Variants in NEBL observed in about 807,000 individuals in gnomAD.
NEBL encodes LIM and SH3 protein 2.
Under a neutral mutation model 140.2 loss-of-function variants are expected in NEBL, and 122 were observed. The ratio of observed to expected loss-of-function variants is 0.87; its 90% CI spans 0.75 to 1.01. The LOEUF is 1.01. NEBL is among the 50% of genes least tolerant of loss of function. NEBL has a pLI of 0.00. For synonymous variants in NEBL, 436 were observed against 398.9 expected (o/e 1.09, Z -1.11); for missense variants, 1,365 against 1,231.3 (o/e 1.11, Z -1.62).
intron 5 of NEBL, among the ~76,000 whole-genome samples, chr10:20,875,488 T>C (rs1299043427): frequency 1.3e-5 from 2 of 152,220 alleles, no homozygotes; most frequent in Non-Finnish European, 1.5e-5. Context: ...GACATCTTTA[T>C]TCTGCAGGTA....
At chr10:21,100,560 G>GA (rs1233619205) in intron 2 of NEBL, among the ~76,000 whole-genome samples, 3 of 152,188 alleles carry the variant, frequency 2.0e-5, no homozygotes, top group African/African-American at 7.2e-5. Flanking sequence ...GCAATCAACA[G>GA]AAAAATGTAG....
intron 2 of NEBL, among the ~76,000 whole-genome samples, chr10:21,023,818 A>G (rs1838903363): frequency 6.6e-6 from 1 of 152,190 alleles, no homozygotes. Flanking sequence ...TCTCTTCACT[A>G]TGTGTGCACA....
intron 4 of NEBL, among the ~76,000 whole-genome samples, chr10:20,905,297 G>A (rs1848042840): frequency 6.6e-6 from 1 of 152,162 alleles, no homozygotes; most frequent in African/African-American, 2.4e-5. Flanking sequence ...TTTTCACATT[G>A]CTATAAAAAC....
chr10:20,886,594 G>T (rs1180753733), intron 4 of NEBL, among the ~76,000 whole-genome samples: 3 of 152,054 alleles, frequency 2.0e-5, no homozygotes, highest in Non-Finnish European at 4.4e-5. Context: ...GTTAGAAATG[G>T]TAGGAAAAAT....
chr10:20,946,901 G>A (rs758849660), intron 4 of NEBL, among the ~76,000 whole-genome samples: 9 of 151,936 alleles, frequency 5.9e-5, no homozygotes, highest in Admixed American at 1.3e-4. Context: ...TTTTTGAATC[G>A]TTAATAGCTA....
intron 3 of NEBL, among the ~76,000 whole-genome samples, chr10:21,008,693 T>G (rs1838224626): frequency 6.6e-6 from 1 of 152,158 alleles, no homozygotes; most frequent in African/African-American, 2.4e-5. Context: ...GGTGGGAATG[T>G]AAACTAGTTA....
chr10:20,803,895 T>G (rs922978218), intron 26 of NEBL, among the ~76,000 whole-genome samples: 1 of 150,440 alleles, frequency 6.6e-6, no homozygotes, highest in African/African-American at 2.4e-5. Flanking sequence ...TGCTTTAATG[T>G]CATTGAAACA....
At chr10:21,249,787 G>A (rs185731046) in intron 2 of NEBL, among the ~76,000 whole-genome samples, 137 of 152,164 alleles carry the variant, frequency 9.0e-4, no homozygotes, top group Admixed American at 5.2e-3. Flanking sequence ...TTCCTGGCTG[G>A]GTGCAGTGGC....
rs1841791706 is a variant in NEBL at position 20,845,270 on chromosome 10, G to A, written c.1215C>T (p.Asn405=). 2 of 1,568,778 alleles carry A rather than the reference G, an allele frequency of 1.3e-6. No individual in the cohort carries two copies. Among genetic ancestry groups the A allele is most frequent in the Admixed American group, 3.3e-5 (2 of 59,800 alleles). ...PEFLHVKYIT[N]LLREKEYKKD... ...ACCAAGATCGTACCTCCCTCAGAAG[G>A]TTGGTGATGTACTTTACATGTAAAA... Residue 405 remains asparagine (N), a synonymous_variant, in exon 12 of 28, where the codon AAC becomes AAT. Coordinates refer to ENST00000377122, the MANE Select transcript of NEBL (RefSeq NM_006393.3).
chr10:20,944,969 G>C (rs1205680016), intron 4 of NEBL, among the ~76,000 whole-genome samples: 1 of 152,030 alleles, frequency 6.6e-6, no homozygotes, highest in Non-Finnish European at 1.5e-5. Context: ...TTGACCACAG[G>C]ACTAGATTAA....
chr10:20,897,168 G>C lies in NEBL; in HGVS notation c.38C>G (p.Thr13Ser). The change falls in exon 1 of 28, where the codon ACT becomes AGT. Residue 13 changes from threonine to serine, a missense_variant. Coordinates refer to ENST00000377122, the MANE Select transcript of NEBL (RefSeq NM_006393.3). ...VPVFEDIKDE[T>S]EEEKIGEEEN... is the part of the protein sequence containing the mutation. ...TTCTTCCCCTATCTTTTCTTCTTCA[G>C]TTTCATCTTTTATATCCTCAAATAC... 6.2e-7 allele frequency: 1 copy of C among 1,606,460 alleles called. No individual in the cohort carries two copies. Among genetic ancestry groups the C allele is most frequent in the Non-Finnish European group, 8.5e-7 (1 of 1,173,736 alleles).
chr10:20,823,812 G>A lies in NEBL; in HGVS notation c.1870-512C>T, dbSNP rs576352023. 3.2e-4 allele frequency among the ~76,000 whole-genome samples: 49 copies of A among 152,100 alleles called. No homozygotes were observed. In the South Asian group the frequency reaches 7.3e-3, roughly 23 times the overall value. On this transcript the variant is annotated intron_variant, in intron 18 of 27. Transcript: ENST00000377122. ...CTTATAGAATAAGGAAAAAAATAAA[G>A]TGAGCACAATAAAAGAAGAGAAAAA...
intron 2 of NEBL, among the ~76,000 whole-genome samples, chr10:21,166,728 G>A (rs1840794652): frequency 6.6e-6 from 1 of 152,200 alleles, no homozygotes; most frequent in African/African-American, 2.4e-5. Flanking sequence ...AGTAGGCCAG[G>A]ATGGAGCTAG....
chr10:21,115,942 T>C (rs116609183), intron 2 of NEBL, among the ~76,000 whole-genome samples: 2,527 of 152,258 alleles, frequency 0.017, 48 homozygotes, highest in African/African-American at 0.058. Context: ...TAATTCTTTT[T>C]AGTCTTCTTT....
chr10:21,037,584 G>C (rs1046757496), intron 2 of NEBL, among the ~76,000 whole-genome samples: 5 of 152,172 alleles, frequency 3.3e-5, no homozygotes, highest in Admixed American at 6.5e-5. Flanking sequence ...GAGAATTTTA[G>C]GGAGTGATGA....
At chr10:20,873,287 T>C (rs1040086077) in intron 5 of NEBL, among the ~76,000 whole-genome samples, 28 of 152,194 alleles carry the variant, frequency 1.8e-4, no homozygotes, top group African/African-American at 6.3e-4. Flanking sequence ...CCTTCACTCT[T>C]CAGTCTTCTC....
In NEBL at chr10:21,029,389, A is replaced by G. The variant is rs183610526; in HGVS notation, c.165-9188T>C. 3.1e-6 allele frequency: 5 copies of G among 1,611,470 alleles called. No homozygotes were observed. The African/African-American group carries it at 6.7e-5, about 22-fold the overall frequency. On this transcript the variant is annotated intron_variant, in intron 2 of 6. Coordinates refer to the NEBL transcript ENST00000417816. ...TGCAGTGCGTTTACCACGTGAACCC[A>G]GCAATCCAGAGAGGTTGAAAGGTTT...
intron 3 of NEBL, among the ~76,000 whole-genome samples, chr10:20,889,445 C>T (rs937463907): frequency 6.6e-5 from 10 of 152,030 alleles, no homozygotes; most frequent in Admixed American, 6.6e-4. Context: ...TTTTAGAAAA[C>T]TGGTAAATCT....
chr10:20,969,330 A>G (rs1198071079), intron 3 of NEBL, among the ~76,000 whole-genome samples: 1 of 152,044 alleles, frequency 6.6e-6, no homozygotes, highest in African/African-American at 2.4e-5. Context: ...AAAAAGCATT[A>G]AAAATCATGT....
Sources: gnomAD v4.1 joint callset for allele counts (sites outside exome capture counted in the v4.1 genomes callset) on GRCh38, gnomAD v4.1.1 for gene constraint, MANE v1.5 for transcripts, NCBI Gene and HGNC (gene_info 2026-07-23, HGNC 2026-07-21) for gene names.